PPP2R5C: variants seen among roughly 807,000 people sequenced by gnomAD.
PPP2R5C encodes serine/threonine-protein phosphatase 2A 56 kDa regulatory subunit gamma isoform.
Under a neutral mutation model 68.9 loss-of-function variants are expected in PPP2R5C, and 7 were observed. That is an observed-to-expected ratio of 0.10 (90% CI 0.06 to 0.19). The LOEUF is 0.19. PPP2R5C is among the 10% of genes least tolerant of loss of function. PPP2R5C has a pLI of 1.00. For missense variants in PPP2R5C, 348 were observed against 641.3 expected (o/e 0.54, Z 4.94); for synonymous variants, 210 against 222.2 (o/e 0.95, Z 0.49).
intron 12 of PPP2R5C, among the ~76,000 whole-genome samples, chr14:101,914,868 C>T (rs1473874350): frequency 1.3e-5 from 2 of 152,200 alleles, no homozygotes; most frequent in Non-Finnish European, 2.9e-5. Flanking sequence ...TCACTTCCCC[C>T]AGCTTTTGTG....
At chr14:101,805,124 C>G (rs189285795), upstream of PPP2R5C, among the ~76,000 whole-genome samples, 3 of 152,282 alleles carry the variant, frequency 2.0e-5, no homozygotes, top group African/African-American at 4.8e-5. Context: ...GATGGAGTCT[C>G]GCCCTGTCAC....
intron 5 of PPP2R5C, among the ~76,000 whole-genome samples, chr14:101,884,245 TGGCCGCACC>T (rs1417829286): frequency 6.6e-5 from 10 of 152,344 alleles, no homozygotes; most frequent in African/African-American, 2.4e-4. Flanking sequence ...TGCTTAATTC[TGGCCGCACC>T]GGCAGCTGAT....
At chr14:101,898,946 C>T (rs191528248) in intron 8 of PPP2R5C, among the ~76,000 whole-genome samples, 1 of 152,284 alleles carries the variant, frequency 6.6e-6, no homozygotes, top group East Asian at 1.9e-4. Context: ...GCACTAAGGA[C>T]ACCTGGTGTC....
In PPP2R5C at chr14:101,898,081, G is replaced by A. The variant is rs2045463415; in HGVS notation, c.852+3521G>A. ...AGGCCGAGGTGGAAGAGTTGTTTGA[G>A]CCCAGGGGGTCAAGGCTGCAGTGAG... On this transcript the variant is annotated intron_variant, in intron 8 of 13. Coordinates refer to ENST00000334743, the Ensembl canonical transcript of PPP2R5C. Among the ~76,000 whole-genome samples, 3 of 152,132 alleles carry A rather than the reference G, an allele frequency of 2.0e-5. No individual in the cohort carries two copies. In the South Asian group the frequency reaches 6.2e-4, roughly 32 times the overall value.
rs960772939 is a variant in PPP2R5C at position 101,917,721 on chromosome 14, G to A, written c.1327-110G>A. ...GTCTCCCACTGAGTGGGCTTCCTGC[G>A]GGAGAGGGCCCTGGGGGGCGGCAGG... On this transcript the variant is annotated intron_variant, in intron 12 of 13. Transcript: ENST00000334743. This position sits in a 1 kb window ranked among gnomAD's most constrained non-coding sequence, Gnocchi z 4.4. The A allele has an allele frequency of 1.3e-6, 2 of 1,487,622 alleles. No individual in the cohort carries two copies. Among genetic ancestry groups the A allele is most frequent in the Non-Finnish European group, 9.1e-7 (1 of 1,101,730 alleles). 92.2% of individuals were successfully genotyped at this position (1,487,622 alleles called of 1,614,324 possible).
intron 2 of PPP2R5C, among the ~76,000 whole-genome samples, chr14:101,783,403 C>T (rs957522774): frequency 1.3e-5 from 2 of 150,822 alleles, no homozygotes; most frequent in African/African-American, 4.9e-5. Flanking sequence ...GATGTCCCAT[C>T]GGGGAGGAAG....
chr14:101,882,528 G>T lies in PPP2R5C; in HGVS notation c.405+257G>T, dbSNP rs754893268. 2 of 322,418 alleles carry T rather than the reference G, an allele frequency of 6.2e-6. No homozygotes were observed. The highest frequency in any genetic ancestry group is 1.0e-4 in the South Asian group (1 of 9,780). The allele number at this position is 322,418 out of a possible 1,614,324, so 20.0% of individuals were successfully genotyped here. ...GAAGATGGCCGCTGTGTTGATGGCCGTTGAATTGAATTCAGGCCCAGAGGT... is the reference window on the plus strand; with the variant it reads ...GAAGATGGCCGCTGTGTTGATGGCCTTTGAATTGAATTCAGGCCCAGAGGT... On this transcript the variant is annotated intron_variant, in intron 3 of 13. Transcript: ENST00000334743. The surrounding 1 kb of genome is among the most constrained non-coding windows in gnomAD (Gnocchi z 4.9).
At chr14:101,819,055 G>A (rs1469063674) in intron 1 of PPP2R5C, 2 of 1,551,360 alleles carry the variant, frequency 1.3e-6, no homozygotes, top group African/African-American at 2.7e-5. Context: ...TGAGTTGCTG[G>A]TTCTTATTTT....
exon 14 of PPP2R5C, chr14:101,925,198 C>G: frequency 1.9e-6 from 3 of 1,614,118 alleles, no homozygotes; most frequent in Non-Finnish European, 2.5e-6. Flanking sequence ...CGAGCTGCCT[C>G]AGGACCCCCA....
At position 101,797,061 on chromosome 14, in the gene PPP2R5C, C is replaced by A. The variant is rs1252998749; in HGVS notation, c.259+10878C>A. ...ACCCAAAACTTTTCATCATCCCCAA[C>A]AAAAACTCCATTAAACAGTAAGTGG... On this transcript the variant is annotated intron_variant, in intron 3 of 14. Transcript: ENST00000328724. The surrounding 1 kb of genome is among the most constrained non-coding windows in gnomAD (Gnocchi z 4.2). 13 of 432,332 alleles carry A rather than the reference C, an allele frequency of 3.0e-5. No individual in the cohort carries two copies. Among genetic ancestry groups the A allele is most frequent in the Non-Finnish European group, 6.1e-5 (13 of 213,024 alleles). The allele number at this position is 432,332 out of a possible 1,614,324, so 26.8% of individuals were successfully genotyped here.
At chr14:101,837,633 C>T (rs1301284644) in intron 1 of PPP2R5C, among the ~76,000 whole-genome samples, 1 of 152,206 alleles carries the variant, frequency 6.6e-6, no homozygotes, top group Non-Finnish European at 1.5e-5. Context: ...CTTCGTCGCT[C>T]AAGCAAAACT....
At chr14:101,767,367 T>C (rs534046532) in intron 2 of PPP2R5C, among the ~76,000 whole-genome samples, 2 of 152,344 alleles carry the variant, frequency 1.3e-5, no homozygotes, top group African/African-American at 2.4e-5. Flanking sequence ...AACATTGTTA[T>C]GAAAAATATC....
rs1210933369 is a variant in PPP2R5C at position 101,913,754 on chromosome 14, G to A, written c.1326+1281G>A. Among the ~76,000 whole-genome samples the A allele has an allele frequency of 2.6e-5, 4 of 152,188 alleles. No individual in the cohort carries two copies. The highest frequency in any genetic ancestry group is 2.0e-4 in the Admixed American group (3 of 15,282). The stretch of plus-strand genomic sequence containing the variant: ...CCAGCCCTGCCTGACGCTGCCCTGC[G>A]TGTCTTGCTTTGTTCTGAAGAGCCT... On this transcript the variant is annotated intron_variant, in intron 12 of 13. Transcript: ENST00000334743. The surrounding 1 kb of genome is among the most constrained non-coding windows in gnomAD (Gnocchi z 4.1).
chr14:101,856,584 A>G, intron 1 of PPP2R5C, 102 bp from the exon 4 acceptor site: 1 of 1,127,788 alleles, frequency 8.9e-7, no homozygotes, highest in South Asian at 1.4e-5. Flanking sequence ...TTTTTCTTGA[A>G]TCTCTATTCA....
intron 3 of PPP2R5C, among the ~76,000 whole-genome samples, chr14:101,787,703 C>T (rs1022911104): frequency 6.9e-6 from 1 of 145,054 alleles, no homozygotes; most frequent in African/African-American, 2.6e-5. Flanking sequence ...GGAGGCAGAG[C>T]TTGCAGTGAG....
In PPP2R5C at chr14:101,843,152, C is replaced by G. The variant is rs1020132177; in HGVS notation, c.95-13534C>G. 6.6e-5 allele frequency among the ~76,000 whole-genome samples: 10 copies of G among 152,202 alleles called. No individual in the cohort carries two copies. In the East Asian group the frequency reaches 1.9e-3, roughly 29 times the overall value. Reference sequence around the variant, plus strand: ...CTGGGGTGGGAGGATCGCTTGAGCCCAGGAAGTTGAGGCTACAGTGAGCTG... The same window carrying G: ...CTGGGGTGGGAGGATCGCTTGAGCCGAGGAAGTTGAGGCTACAGTGAGCTG... On this transcript the variant is annotated intron_variant, in intron 1 of 13. Coordinates refer to ENST00000334743, the Ensembl canonical transcript of PPP2R5C.
intron 13 of PPP2R5C, among the ~76,000 whole-genome samples, chr14:101,919,710 G>A (rs2046901239): frequency 6.6e-6 from 1 of 152,140 alleles, no homozygotes; most frequent in East Asian, 1.9e-4. Context: ...GCTCACGCCT[G>A]TAATCCCAGC....
intron 1 of PPP2R5C, among the ~76,000 whole-genome samples, chr14:101,833,832 C>T (rs1364391617): frequency 1.3e-5 from 2 of 152,148 alleles, no homozygotes; most frequent in African/African-American, 2.4e-5. Flanking sequence ...GACGGAGTCT[C>T]GCTCTGTCAC....
intron 1 of PPP2R5C, among the ~76,000 whole-genome samples, chr14:101,816,475 G>A (rs1190523560): frequency 6.6e-6 from 1 of 152,078 alleles, no homozygotes; most frequent in African/African-American, 2.4e-5. Context: ...GATATAACAG[G>A]TACCGTGAGT....
Sources: gnomAD v4.1 joint callset for allele counts (sites outside exome capture counted in the v4.1 genomes callset) on GRCh38, gnomAD v4.1.1 for gene constraint, Gnocchi (gnomAD v3.1) non-coding constraint, MANE v1.5 for transcripts, NCBI Gene and HGNC (gene_info 2026-07-23, HGNC 2026-07-21) for gene names.